DNM1L: variants seen among roughly 807,000 people sequenced by gnomAD.
DNM1L encodes dynamin 1L.
A neutral mutation model predicts 92.8 loss-of-function variants in DNM1L; 33 were observed. The observed-to-expected ratio is 0.36, with a 90% confidence interval of 0.27 to 0.48. The LOEUF (loss-of-function observed/expected upper bound fraction) is 0.48, where lower values mean the gene tolerates loss of function less well. Ranked by LOEUF, DNM1L falls within the 20% of genes least tolerant of loss-of-function variation. The probability of loss-of-function intolerance (pLI) is 0.99; values close to 1 mark genes in which losing one functional copy is unlikely to be tolerated. For missense variants in DNM1L, 485 were observed against 888.8 expected (o/e 0.55, Z 5.78); for synonymous variants, 284 against 305.0 (o/e 0.93, Z 0.72).
chr12:32,727,181 T>C (rs1954207178), intron 9 of DNM1L: 1 of 906,530 alleles, frequency 1.1e-6, no homozygotes, highest in Admixed American at 1.7e-5. Flanking sequence ...CCTCTGTAGG[T>C]TCATAAATTG....
chr12:32,708,825 T>C (rs972833328), intron 4 of DNM1L, among the ~76,000 whole-genome samples: 7 of 152,114 alleles, frequency 4.6e-5, no homozygotes, highest in African/African-American at 1.4e-4. Context: ...CTGCCTTGCC[T>C]GAATCCTGCT....
At chr12:32,683,418 A>G (rs1010364173) in intron 1 of DNM1L, among the ~76,000 whole-genome samples, 8 of 151,236 alleles carry the variant, frequency 5.3e-5, no homozygotes, top group South Asian at 4.2e-4. Context: ...CTGCCTTACT[A>G]TGTTGCCAAG....
chr12:32,705,377 T>C (rs1339906139), intron 2 of DNM1L: 1 of 152,564 alleles, frequency 6.6e-6, no homozygotes, highest in Admixed American at 6.5e-5. Flanking sequence ...ACTTTTTTAT[T>C]AATTTTAAAA....
intron 6 of DNM1L, 119 bp from the exon 7 acceptor site, chr12:32,718,524 C>A: frequency 8.1e-7 from 1 of 1,235,382 alleles, no homozygotes; most frequent in Non-Finnish European, 1.2e-6. Context: ...AAAATGATGA[C>A]AGAGGTAATA....
chr12:32,737,265 T>A (rs541866258), intron 14 of DNM1L, 104 bp downstream of exon 14: 1 of 1,172,060 alleles, frequency 8.5e-7, no homozygotes, highest in African/African-American at 1.5e-5. Flanking sequence ...TTTCCTCCCT[T>A]TAACACTCCA....
chr12:32,681,330 C>T (rs1159445795), intron 1 of DNM1L, among the ~76,000 whole-genome samples: 1 of 152,144 alleles, frequency 6.6e-6, no homozygotes, highest in African/African-American at 2.4e-5. Context: ...GTAGGCAGAT[C>T]ACTTGATTCC....
At position 32,686,112 on chromosome 12, in the gene DNM1L, G is replaced by A. The variant is rs377673535; in HGVS notation, c.102+6647G>A. Among the ~76,000 whole-genome samples the A allele has an allele frequency of 2.4e-3, 349 of 143,782 alleles. 4 individuals carry two copies. The highest frequency in any genetic ancestry group is 0.019 in the South Asian group (88 of 4,526). The allele number at this position is 143,782 out of a possible 152,430, so 94.3% of individuals were successfully genotyped here. A position where few individuals can be genotyped will look rare whatever the true frequency, so the allele number is the denominator to read the frequency against. On this transcript the variant is annotated intron_variant, in intron 1 of 19. Transcript: ENST00000549701. ...GTTGCCCAGGCTGGAGTGCAATGGC[G>A]CGATCTCGGCTCACAGCAACCTCCA...
rs150565516 is a variant in DNM1L at position 32,726,012 on chromosome 12, A to G, written c.1079+3379A>G. On this transcript the variant is annotated intron_variant, in intron 9 of 19. Coordinates refer to ENST00000549701, the MANE Select transcript of DNM1L (RefSeq NM_012062.5). ...AGCTAATCCAAGCAGACTTAACCCT[A>G]TTCAACAAACAGCTGAAAAAATACT... Among the ~76,000 whole-genome samples the G allele has an allele frequency of 6.6e-5, 10 of 151,782 alleles. No homozygotes were observed. The East Asian group carries it at 1.9e-3, about 29-fold the overall frequency.
chr12:32,729,372 C>T (rs968741486), intron 9 of DNM1L, among the ~76,000 whole-genome samples: 5 of 152,074 alleles, frequency 3.3e-5, no homozygotes, highest in African/African-American at 4.8e-5. Flanking sequence ...TGAGCCACCG[C>T]GCCCAGCCGA....
chr12:32,705,000 GTTTTTTT>G (rs35375744), intron 2 of DNM1L, among the ~76,000 whole-genome samples: 2 of 118,878 alleles, frequency 1.7e-5, no homozygotes, highest in African/African-American at 3.2e-5. Context: ...CTCAGGCAAA[GTTTTTTT>G]TTTTTTTTTT....
intron 5 of DNM1L, 35 bp from the exon 6 acceptor site, chr12:32,713,174 A>G (rs1476601967): frequency 1.9e-6 from 3 of 1,611,566 alleles, no homozygotes; most frequent in East Asian, 2.2e-5. Flanking sequence ...TTGATTTTTA[A>G]TTATTAGTTC....
chr12:32,692,581 T>C, intron 1 of DNM1L: 1 of 154,002 alleles, frequency 6.5e-6, no homozygotes. Context: ...TCAGATAATG[T>C]CCAGGTGCTT....
intron 4 of DNM1L, among the ~76,000 whole-genome samples, chr12:32,708,610 C>A (rs557948476): frequency 9.5e-4 from 145 of 152,028 alleles, no homozygotes; most frequent in African/African-American, 3.4e-3. Flanking sequence ...ATATATATAT[C>A]TTTTGAGGAG....
intron 1 of DNM1L, among the ~76,000 whole-genome samples, chr12:32,691,762 T>C (rs1277426751): frequency 6.6e-6 from 1 of 152,112 alleles, no homozygotes; most frequent in Admixed American, 6.5e-5. Flanking sequence ...AGCCTGATCA[T>C]AGATGATTGA....
intron 6 of DNM1L, 86 bp from the exon 7 acceptor site, chr12:32,718,557 G>T: frequency 1.3e-6 from 2 of 1,566,134 alleles, no homozygotes; most frequent in Admixed American, 1.7e-5. Flanking sequence ...GTAGATGAGG[G>T]TTTTCCTTTA....
chr12:32,725,002 G>GC (rs2137468699), intron 9 of DNM1L, among the ~76,000 whole-genome samples: 1 of 151,928 alleles, frequency 6.6e-6, no homozygotes, highest in African/African-American at 2.4e-5. Flanking sequence ...GAAGCTTGGG[G>GC]CATTCTCTCT....
At chr12:32,740,620 C>G (rs1955222428) in intron 18 of DNM1L, 102 bp downstream of exon 18, 9 of 1,094,940 alleles carry the variant, frequency 8.2e-6, no homozygotes, top group Admixed American at 6.7e-5. Flanking sequence ...GGTTTTTATT[C>G]TAAATCATCA....
chr12:32,735,671 A>G (rs577224941), intron 13 of DNM1L, among the ~76,000 whole-genome samples: 15 of 152,200 alleles, frequency 9.9e-5, no homozygotes, highest in Admixed American at 2.6e-4. Flanking sequence ...ACCTGAGGTC[A>G]GGAGTTCAAG....
chr12:32,684,941 ATTT>A (rs113634833), intron 1 of DNM1L, among the ~76,000 whole-genome samples: 5 of 137,542 alleles, frequency 3.6e-5, no homozygotes, highest in Non-Finnish European at 3.2e-5. Context: ...GTGAATGTGT[ATTT>A]TTTTTTTTTT....
Sources: gnomAD v4.1 joint callset for allele counts (sites outside exome capture counted in the v4.1 genomes callset) on GRCh38, gnomAD v4.1.1 for gene constraint, MANE v1.5 for transcripts, NCBI Gene and HGNC (gene_info 2026-07-23, HGNC 2026-07-21) for gene names.